Variants in IMMP2L observed in about 807,000 individuals in gnomAD.
IMMP2L encodes mitochondrial inner membrane protease subunit 2.
IMMP2L carries 18 observed loss-of-function variants against 19.3 expected under a neutral mutation model. The observed-to-expected ratio is 0.93, with a 90% CI of 0.64 to 1.38. IMMP2L has a LOEUF of 1.38. Among genes scored for constraint, IMMP2L ranks in the 40% most tolerant of loss-of-function variants. The pLI is 0.00. For synonymous variants in IMMP2L, 76 were observed against 73.0 expected (o/e 1.04, Z -0.21); for missense variants, 233 against 218.2 (o/e 1.07, Z -0.43).
rs1274709510 is a variant in IMMP2L, at chr7:111,467,171, GC to G, written c.239+20066del. Among the ~76,000 whole-genome samples the G allele has an allele frequency of 3.3e-5, 5 of 152,206 alleles. No individual in the cohort carries two copies. The East Asian group carries it at 9.6e-4, about 29-fold the overall frequency. ...GGCCCTGGTGTAAATCCTCACCCCA[GC>G]ACCTACTGGGTGACCTTGGGCAAGT... is the stretch of plus-strand genomic sequence containing the variant. On this transcript the variant is annotated intron_variant, in intron 3 of 5. Coordinates refer to ENST00000405709, the MANE Select transcript of IMMP2L (RefSeq NM_032549.4).
chr7:111,256,612 T>C (rs1290145412), intron 3 of IMMP2L, among the ~76,000 whole-genome samples: 2 of 152,084 alleles, frequency 1.3e-5, no homozygotes, highest in African/African-American at 4.8e-5. Flanking sequence ...TTTCACTATA[T>C]GTCCATTGTT....
rs67058510 is a variant in IMMP2L, at chr7:111,431,930, T to TA, written c.239+55307dup. ...ACTTTTTCCAAACTTTCCTCAGATT[T>TA]AAAAAAAAAATTGTATTCTTTGGAA... On this transcript the variant is annotated intron_variant, in intron 3 of 5. Transcript: ENST00000405709. Among the ~76,000 whole-genome samples, 1,268 of 150,034 alleles carry TA rather than the reference T, an allele frequency of 8.5e-3. 18 individuals are homozygous for TA. Among genetic ancestry groups the TA allele is most frequent in the African/African-American group, 7.3e-3 (298 of 40,724 alleles).
At chr7:110,742,474 T>G (rs2130873723) in intron 5 of IMMP2L, among the ~76,000 whole-genome samples, 1 of 152,202 alleles carries the variant, frequency 6.6e-6, no homozygotes, top group East Asian at 1.9e-4. Flanking sequence ...CTATTAAAAA[T>G]TATACTTTCA....
intron 5 of IMMP2L, among the ~76,000 whole-genome samples, chr7:110,851,714 C>T (rs1806242708): frequency 1.3e-5 from 2 of 152,116 alleles, no homozygotes; most frequent in Admixed American, 1.3e-4. Flanking sequence ...AAGCCTTTAC[C>T]TTACACATTG....
chr7:111,316,823 A>G (rs181222100), intron 3 of IMMP2L, among the ~76,000 whole-genome samples: 35 of 134,050 alleles, frequency 2.6e-4, no homozygotes, highest in African/African-American at 9.1e-4. Flanking sequence ...TGAGAGAGAT[A>G]TTGTTGGCTC....
In IMMP2L at chr7:110,924,498, C is replaced by T. The variant is rs937614991; in HGVS notation, c.306-37803G>A. Reference sequence around the variant, plus strand: ...GGTACCAGGTTTATCCTACGTTTCTCTCACTATGGGGAACTGGGCAGGCCG... The same window carrying T: ...GGTACCAGGTTTATCCTACGTTTCTTTCACTATGGGGAACTGGGCAGGCCG... On this transcript the variant is annotated intron_variant, in intron 4 of 5. Transcript: ENST00000405709. The surrounding 1 kb of genome is among the most constrained non-coding windows in gnomAD (Gnocchi z 4.2). Among the ~76,000 whole-genome samples, 1 of 152,078 alleles carries T rather than the reference C, an allele frequency of 6.6e-6. No individual in the cohort carries two copies. The highest frequency in any genetic ancestry group is 2.4e-5 in the African/African-American group (1 of 41,408).
At chr7:111,432,975 A>C (rs915463771) in intron 3 of IMMP2L, among the ~76,000 whole-genome samples, 1 of 151,666 alleles carries the variant, frequency 6.6e-6, no homozygotes, top group African/African-American at 2.4e-5. Flanking sequence ...GAAAAAAAAA[A>C]ACACACCTGG....
chr7:111,166,736 C>T (rs1477468449), intron 3 of IMMP2L, among the ~76,000 whole-genome samples: 1 of 151,936 alleles, frequency 6.6e-6, no homozygotes, highest in African/African-American at 2.4e-5. Flanking sequence ...AGAATTCTTC[C>T]TTATTTTGTC....
intron 3 of IMMP2L, among the ~76,000 whole-genome samples, chr7:111,024,906 T>A (rs1327524644): frequency 6.6e-6 from 1 of 152,226 alleles, no homozygotes; most frequent in African/African-American, 2.4e-5. Flanking sequence ...ATGATTATTT[T>A]TTGTCAAAAA....
intron 3 of IMMP2L, among the ~76,000 whole-genome samples, chr7:111,200,678 T>C (rs1443264000): frequency 1.3e-5 from 2 of 152,224 alleles, no homozygotes; most frequent in Non-Finnish European, 1.5e-5. Context: ...ACATAATAAA[T>C]ATCTATATCC....
intron 3 of IMMP2L, among the ~76,000 whole-genome samples, chr7:111,447,796 C>G (rs2131869802): frequency 1.3e-5 from 2 of 151,926 alleles, no homozygotes; most frequent in East Asian, 3.9e-4. Flanking sequence ...CATCAGTGTG[C>G]TGCATTCAGG....
chr7:110,737,491 C>T (rs1213963952), intron 5 of IMMP2L, among the ~76,000 whole-genome samples: 23 of 152,136 alleles, frequency 1.5e-4, no homozygotes, highest in Admixed American at 1.5e-3. Context: ...AACCATACCC[C>T]CATCTGCCAC....
At chr7:111,384,091 C>G (rs1831470352) in intron 3 of IMMP2L, among the ~76,000 whole-genome samples, 2 of 151,888 alleles carry the variant, frequency 1.3e-5, no homozygotes, top group South Asian at 4.2e-4. Flanking sequence ...TTGTAATGAG[C>G]CATAACTATA....
intron 3 of IMMP2L, among the ~76,000 whole-genome samples, chr7:110,965,718 C>T (rs913189331): frequency 6.6e-6 from 1 of 151,862 alleles, no homozygotes; most frequent in Non-Finnish European, 1.5e-5. Flanking sequence ...ATTATTCAGC[C>T]TCAGTGGTCA....
chr7:110,858,873 G>C, intron 5 of IMMP2L, among the ~76,000 whole-genome samples: 1 of 151,870 alleles, frequency 6.6e-6, no homozygotes, highest in East Asian at 2.0e-4. Context: ...TTGTCCTTGT[G>C]ATAGTTTACT....
chr7:110,798,416 A>C (rs1166033612), intron 5 of IMMP2L, among the ~76,000 whole-genome samples: 1 of 151,984 alleles, frequency 6.6e-6, no homozygotes, highest in Non-Finnish European at 1.5e-5. Context: ...CCTCATTCAC[A>C]ATTTTATCCA....
At position 111,510,495 on chromosome 7, in the gene IMMP2L, T is replaced by C. The variant is rs529565075; in HGVS notation, c.135+10818A>G. ...AAAACATTCCTAGCTGGGGAGACAC[T>C]GCCTCTGCCAGACCTAGCCAATTCT... is the stretch of plus-strand genomic sequence containing the variant. On this transcript the variant is annotated intron_variant, in intron 2 of 5. Transcript: ENST00000405709. 5.6e-4 allele frequency among the ~76,000 whole-genome samples: 86 copies of C among 152,256 alleles called. 2 individuals carry two copies. Among genetic ancestry groups the C allele is most frequent in the Non-Finnish European group, 8.5e-4 (58 of 68,002 alleles).
intron 5 of IMMP2L, among the ~76,000 whole-genome samples, chr7:110,819,555 C>T (rs1164276434): frequency 6.6e-6 from 1 of 152,022 alleles, no homozygotes; most frequent in Non-Finnish European, 1.5e-5. Flanking sequence ...CCCAAACCAT[C>T]ACTATCACAA....
At chr7:111,032,965 C>T (rs1790981995) in intron 3 of IMMP2L, among the ~76,000 whole-genome samples, 1 of 151,926 alleles carries the variant, frequency 6.6e-6, no homozygotes, top group Non-Finnish European at 1.5e-5. Context: ...ACCACAAATA[C>T]AAAAATTAGC....
Sources: gnomAD v4.1 joint callset for allele counts (sites outside exome capture counted in the v4.1 genomes callset) on GRCh38, gnomAD v4.1.1 for gene constraint, Gnocchi (gnomAD v3.1) non-coding constraint, MANE v1.5 for transcripts, NCBI Gene and HGNC (gene_info 2026-07-23, HGNC 2026-07-21) for gene names.